Variants in PRSS55 observed in about 807,000 individuals in gnomAD.
PRSS55 encodes serine protease 55.
Under a neutral mutation model 23.6 loss-of-function variants are expected in PRSS55, and 41 were observed. The ratio of observed to expected loss-of-function variants is 1.74; its 90% CI spans 1.35 to 2.26. The LOEUF is 2.26. Among genes scored for constraint, PRSS55 ranks in the 30% most tolerant of loss-of-function variants. The probability of loss-of-function intolerance (pLI) is 0.00; values close to 1 mark genes in which losing one functional copy is unlikely to be tolerated. For missense variants in PRSS55, 669 were observed against 439.1 expected (o/e 1.52, Z -4.68); for synonymous variants, 262 against 175.5 (o/e 1.49, Z -3.90).
At chr8:10,530,566 T>C (rs765010753) in intron 2 of PRSS55, among the ~76,000 whole-genome samples, 4 of 152,068 alleles carry the variant, frequency 2.6e-5, no homozygotes, top group Non-Finnish European at 4.4e-5. Flanking sequence ...CGTTTATAGA[T>C]AAGGAAACTG....
At chr8:10,530,671 C>T (rs886477846) in intron 2 of PRSS55, among the ~76,000 whole-genome samples, 2 of 152,098 alleles carry the variant, frequency 1.3e-5, no homozygotes, top group Non-Finnish European at 1.5e-5. Flanking sequence ...CTTTCTGCCA[C>T]ACCAGCTCAA....
intron 1 of PRSS55, among the ~76,000 whole-genome samples, chr8:10,528,041 C>T (rs576510598): frequency 4.6e-5 from 7 of 151,996 alleles, no homozygotes; most frequent in Admixed American, 4.6e-4. Context: ...ACAGTGAAAC[C>T]CTGTCTCTAC....
intron 4 of PRSS55, among the ~76,000 whole-genome samples, chr8:10,535,822 A>T (rs140982322): frequency 2.6e-3 from 390 of 152,332 alleles, no homozygotes; most frequent in Admixed American, 4.0e-3. Context: ...CATCTGACAA[A>T]GGTCTAATAT....
chr8:10,542,224 G>A (rs28373124), downstream of PRSS55, among the ~76,000 whole-genome samples: 1 of 151,816 alleles, frequency 6.6e-6, no homozygotes, highest in Non-Finnish European at 1.5e-5. Context: ...AGTGTAGTGT[G>A]TAAACTGCAC....
chr8:10,540,527 C>T (rs968091445), downstream of PRSS55: 1 of 152,130 alleles, frequency 6.6e-6, no homozygotes, highest in African/African-American at 2.4e-5. Context: ...GTCTGGCCAC[C>T]ACGGTGAAAC....
At chr8:10,528,559 C>T (rs369795545) in intron 1 of PRSS55, among the ~76,000 whole-genome samples, 5 of 152,194 alleles carry the variant, frequency 3.3e-5, no homozygotes, top group South Asian at 2.1e-4. Flanking sequence ...TCAGCACAGG[C>T]GCTACAGCTT....
At position 10,538,729 on chromosome 8, in the gene PRSS55, G is replaced by T. The variant is rs1478509877; in HGVS notation, c.995G>T (p.Ser332Ile). Reference protein sequence around the residue: ...SPVSGVPEPGSPRSWLLLCPL... With the variant: ...SPVSGVPEPGIPRSWLLLCPL... ...GTCTCGGGAGTCCCAGAGCCAGGCA[G>T]CCCCAGATCCTGGCTCCTGCTCTGT... is the stretch of plus-strand genomic sequence containing the variant. Residue 332 changes from serine to isoleucine, a missense_variant, in exon 5 of 5, where the codon AGC becomes ATC. Ser to Ile is a moderately radical substitution (Grantham distance 142, BLOSUM62 -2). Transcript: ENST00000328655. 1 of 1,613,104 alleles carries T rather than the reference G, an allele frequency of 6.2e-7. No individual in the cohort carries two copies. Among genetic ancestry groups the T allele is most frequent in the Non-Finnish European group, 8.5e-7 (1 of 1,179,558 alleles).
At chr8:10,546,509 C>T (rs4566993) in intron 4 of PRSS55, among the ~76,000 whole-genome samples, 15,833 of 152,124 alleles carry the variant, frequency 0.1, 1,100 homozygotes, top group Non-Finnish European at 0.16. Flanking sequence ...ATCCAGCATC[C>T]GAAAACTGAC....
rs370693468 is a variant in PRSS55 at position 10,533,011 on chromosome 8, G to C, written c.704G>C (p.Cys235Ser). Reference sequence around the variant, plus strand: ...CCAAAACTTACCAAAAATATGCTGTGTGCCGGATACAAGAATGAGAGCTAT... The same window carrying C: ...CCAAAACTTACCAAAAATATGCTGTCTGCCGGATACAAGAATGAGAGCTAT... The part of the protein sequence containing the change: ...MFPKLTKNML[C>S]AGYKNESYDA... The change falls in exon 4 of 5, where the codon TGT becomes TCT. Residue 235 changes from cysteine (C) to serine (S), a missense_variant. By Grantham distance (112) the Cys-to-Ser change is moderately radical. Transcript: ENST00000328655. 6.8e-6 allele frequency: 11 copies of C among 1,614,084 alleles called. No individual in the cohort carries two copies. The African/African-American group carries it at 1.1e-4, about 16-fold the overall frequency.
At chr8:10,539,001 C>G (rs199956760), downstream of PRSS55, among the ~76,000 whole-genome samples, 1 of 151,146 alleles carries the variant, frequency 6.6e-6, no homozygotes, top group African/African-American at 2.4e-5. Context: ...TGACAGTCAC[C>G]TAATTCTGAC....
chr8:10,534,037 C>A (rs760310307), intron 4 of PRSS55, among the ~76,000 whole-genome samples: 1 of 151,950 alleles, frequency 6.6e-6, no homozygotes, highest in Non-Finnish European at 1.5e-5. Context: ...GTTTAGGAGC[C>A]CCCCATGTGG....
chr8:10,542,441 G>C (rs1387456928), downstream of PRSS55, among the ~76,000 whole-genome samples: 1 of 146,896 alleles, frequency 6.8e-6, no homozygotes, highest in Non-Finnish European at 1.5e-5. Context: ...AAAAAGCTAA[G>C]ACAATAAGGG....
downstream of PRSS55, chr8:10,540,877 G>C (rs2117059175): frequency 6.6e-6 from 1 of 152,398 alleles, no homozygotes; most frequent in East Asian, 1.9e-4. Flanking sequence ...GCCAGCTGGA[G>C]TGTTCACCAT....
intron 4 of PRSS55, among the ~76,000 whole-genome samples, chr8:10,537,350 C>G (rs1812491874): frequency 6.6e-6 from 1 of 152,100 alleles, no homozygotes; most frequent in African/African-American, 2.4e-5. Flanking sequence ...GAGGACATTA[C>G]ATTAAGTAAA....
exon 5 of PRSS55, chr8:10,554,082 C>G (rs1044188746): frequency 1.6e-6 from 2 of 1,235,928 alleles, no homozygotes; most frequent in Non-Finnish European, 2.2e-6. Flanking sequence ...AGAAAACATA[C>G]CCTTGGGCAT....
At chr8:10,550,647 C>G (rs910354297) in intron 4 of PRSS55, among the ~76,000 whole-genome samples, 1 of 152,184 alleles carries the variant, frequency 6.6e-6, no homozygotes, top group South Asian at 2.1e-4. Context: ...CAGCCTTCCT[C>G]TCTCCTGCCT....
rs138232357 is a variant in PRSS55, at chr8:10,549,601, G to C, written c.742-4342G>C. Among the ~76,000 whole-genome samples, 5 of 152,160 alleles carry C rather than the reference G, an allele frequency of 3.3e-5. No individual in the cohort carries two copies. The South Asian group carries it at 1.0e-3, about 32-fold the overall frequency. ...AGAAAAGACCCTGGTTCTAAGATGC[G>C]AAACAAGGCCCCAGGAGCTCAGCCC... On this transcript the variant is annotated intron_variant, in intron 4 of 4. Coordinates refer to the PRSS55 transcript ENST00000522210.
chr8:10,544,310 C>A (rs1000782380), intron 4 of PRSS55, among the ~76,000 whole-genome samples: 1 of 152,098 alleles, frequency 6.6e-6, no homozygotes, highest in African/African-American at 2.4e-5. Flanking sequence ...GTTTTACAGT[C>A]TATTTTGTTG....
chr8:10,536,639 A>G (rs1812464024), intron 4 of PRSS55, among the ~76,000 whole-genome samples: 2 of 152,206 alleles, frequency 1.3e-5, no homozygotes, highest in African/African-American at 4.8e-5. Flanking sequence ...GGTGAACTGG[A>G]TAAAGAAATT....
Sources: allele counts gnomAD v4.1 joint callset (sites outside exome capture counted in the v4.1 genomes callset), GRCh38; gene constraint gnomAD v4.1.1; transcripts MANE v1.5; gene names NCBI Gene and HGNC (gene_info 2026-07-23, HGNC 2026-07-21).